Variants in PDE4C observed in about 807,000 individuals in gnomAD.
The protein encoded by PDE4C is phosphodiesterase 4C, also known as 3',5'-cyclic-AMP phosphodiesterase 4C.
A neutral mutation model predicts 63.9 loss-of-function variants in PDE4C; 50 were observed. The observed-to-expected ratio is 0.78, with a 90% CI of 0.62 to 0.99. PDE4C has a LOEUF of 0.99. Ranked by LOEUF, PDE4C falls within the 50% of genes least tolerant of loss-of-function variation. PDE4C has a pLI of 0.00. For missense variants in PDE4C, 777 were observed against 899.1 expected, an observed-to-expected ratio of 0.86 and a Z score of 1.74; for synonymous variants, 377 against 385.1, an observed-to-expected ratio of 0.98 and a Z score of 0.25.
intron 1 of PDE4C, among the ~76,000 whole-genome samples, chr19:18,240,791 G>A (rs1244460222): frequency 6.6e-6 from 1 of 152,228 alleles, no homozygotes; most frequent in Non-Finnish European, 1.5e-5. Flanking sequence ...CCAGGGCAAA[G>A]TGGGGTGGGA....
chr19:18,219,440 CT>C, intron 7 of PDE4C, 43 bp from the exon 8 acceptor site: 1 of 1,536,004 alleles, frequency 6.5e-7, no homozygotes, highest in Non-Finnish European at 8.7e-7. Context: ...CCGATTTCAC[CT>C]GCTGGGGCCT....
chr19:18,248,379 G>A (rs1211335377), upstream of PDE4C, among the ~76,000 whole-genome samples: 1 of 150,832 alleles, frequency 6.6e-6, no homozygotes, highest in Non-Finnish European at 1.5e-5. Context: ...GTGTCCAAGA[G>A]GGCCTGAGGG....
At chr19:18,223,748 G>A (rs948404712) in intron 1 of PDE4C, among the ~76,000 whole-genome samples, 1 of 152,224 alleles carries the variant, frequency 6.6e-6, no homozygotes, top group African/African-American at 2.4e-5. Flanking sequence ...ATATTGCAAA[G>A]GGACAAACTG....
chr19:18,217,293 T>C (rs1450718391), intron 11 of PDE4C: 2 of 158,510 alleles, frequency 1.3e-5, no homozygotes, highest in African/African-American at 4.8e-5. Context: ...GCCTCCTGAG[T>C]AGTTGGGATT....
At chr19:18,211,346 A>G (rs1967931887) in intron 14 of PDE4C, 70 bp from the exon 15 acceptor site, 1 of 1,331,438 alleles carries the variant, frequency 7.5e-7, no homozygotes, top group Non-Finnish European at 1.0e-6. Flanking sequence ...TCCAGCCTCC[A>G]GATCTTTAGC....
At chr19:18,236,589 A>T (rs1968954972), upstream of PDE4C, among the ~76,000 whole-genome samples, 1 of 152,164 alleles carries the variant, frequency 6.6e-6, no homozygotes, top group Non-Finnish European at 1.5e-5. Context: ...ATGTGAGGTC[A>T]GGAGCCTCCT....
At chr19:18,235,547 A>G (rs1348092165), upstream of PDE4C, among the ~76,000 whole-genome samples, 3 of 152,232 alleles carry the variant, frequency 2.0e-5, no homozygotes, top group East Asian at 3.9e-4. Flanking sequence ...ACCCTGGTCC[A>G]AGCACCAGTA....
At chr19:18,240,033 T>A (rs1969011265) in intron 1 of PDE4C, among the ~76,000 whole-genome samples, 1 of 151,838 alleles carries the variant, frequency 6.6e-6, no homozygotes, top group South Asian at 2.1e-4. Flanking sequence ...GTGTGGTCTC[T>A]GCTCACTGCA....
Position 18,220,888 on chromosome 19 carries a change from T to G in PDE4C, c.485A>C (p.Gln162Pro). 1 of 1,608,770 alleles carries G rather than the reference T, an allele frequency of 6.2e-7. No individual in the cohort carries two copies. Among genetic ancestry groups the G allele is most frequent in the Non-Finnish European group, 8.5e-7 (1 of 1,178,472 alleles). The change falls in exon 5 of 15, where the codon CAG becomes CCG. Residue 162 changes from glutamine (Q) to proline (P), a missense_variant. Gln to Pro is a moderately conservative substitution (Grantham distance 76). Coordinates refer to ENST00000262805, the Ensembl canonical transcript of PDE4C. This position sits in a 1 kb window ranked among gnomAD's most constrained non-coding sequence, Gnocchi z 5.1. ...AGGTACTTTACCTGCAGGAGGGAGC[T>G]GATTGCTGGATGAAGGGTTTCCGAC...
chr19:18,232,857 G>A (rs1285569788), intron 1 of PDE4C: 1 of 1,189,562 alleles, frequency 8.4e-7, no homozygotes, highest in Non-Finnish European at 1.1e-6. Flanking sequence ...AGAGACCCCC[G>A]CCCCCTGGAG....
At chr19:18,243,462 A>G (rs150749934) in intron 1 of PDE4C, among the ~76,000 whole-genome samples, 64 of 151,584 alleles carry the variant, frequency 4.2e-4, no homozygotes, top group African/African-American at 1.4e-3. Context: ...CAGGAGTCAC[A>G]CAGTTACCTG....
intron 1 of PDE4C, among the ~76,000 whole-genome samples, chr19:18,241,140 G>C (rs1052125074): frequency 1.3e-5 from 2 of 152,148 alleles, no homozygotes; most frequent in African/African-American, 4.8e-5. Context: ...AGGGTGTGTC[G>C]GGAATGAAGA....
chr19:18,246,905 C>T (rs563301420), intron 1 of PDE4C, among the ~76,000 whole-genome samples: 69 of 152,208 alleles, frequency 4.5e-4, no homozygotes, highest in Non-Finnish European at 7.2e-4. Flanking sequence ...CCAGCCTGGG[C>T]GACAGAGTGA....
intron 1 of PDE4C, among the ~76,000 whole-genome samples, chr19:18,244,239 C>T (rs887783376): frequency 1.4e-4 from 22 of 151,792 alleles, no homozygotes; most frequent in Non-Finnish European, 2.4e-4. Flanking sequence ...TGATGGGAGG[C>T]TCCTGGGTGG....
upstream of PDE4C, chr19:18,234,194 G>C (rs966792277): frequency 6.6e-6 from 1 of 152,454 alleles, no homozygotes; most frequent in Admixed American, 6.5e-5. Flanking sequence ...AGCTGAGTTG[G>C]GGGAGGACTG....
At chr19:18,217,482 T>C (rs1374155340) in intron 11 of PDE4C, among the ~76,000 whole-genome samples, 1 of 31,072 alleles carries the variant, frequency 3.2e-5, no homozygotes, top group Non-Finnish European at 1.1e-4. Context: ...CTCTAGGTCC[T>C]TTTGAGTGAG....
At chr19:18,239,468 G>A (rs1435306680) in intron 1 of PDE4C, among the ~76,000 whole-genome samples, 1 of 152,174 alleles carries the variant, frequency 6.6e-6, no homozygotes, top group Non-Finnish European at 1.5e-5. Context: ...CTGGGAAATG[G>A]AGGCGAAAGG....
rs921061605 is a variant in PDE4C at position 18,213,300 on chromosome 19, CATAA to C, written c.1512+64_1512+67del. On this transcript the variant is annotated intron_variant, in intron 13 of 14. Coordinates refer to ENST00000262805, the Ensembl canonical transcript of PDE4C. ...CTCCGTCTCAATAAATAAATAAATA[CATAA>C]ATAAATAAATAAAGTAAAACCAAAA... 74 of 1,353,478 alleles carry C rather than the reference CATAA, an allele frequency of 5.5e-5. No homozygotes were observed. The African/African-American group carries it at 5.7e-4, about 10-fold the overall frequency. The allele number at this position is 1,353,478 out of a possible 1,614,324, so 83.8% of individuals were successfully genotyped here.
At chr19:18,241,459 G>T (rs1485389960) in intron 1 of PDE4C, among the ~76,000 whole-genome samples, 5 of 151,722 alleles carry the variant, frequency 3.3e-5, no homozygotes, top group Non-Finnish European at 7.4e-5. Context: ...AGTAGAGACG[G>T]GGTCTCACCG....
Sources: allele counts gnomAD v4.1 joint callset (sites outside exome capture counted in the v4.1 genomes callset), GRCh38; gene constraint gnomAD v4.1.1; non-coding constraint Gnocchi (gnomAD v3.1); transcripts MANE v1.5; gene names NCBI Gene and HGNC (gene_info 2026-07-23, HGNC 2026-07-21).